The following TPRG1 variants were observed in gnomAD, a reference collection of about 807,000 sequenced individuals.
The protein encoded by TPRG1 is tumor protein p63 regulated 1.
A neutral mutation model predicts 29.3 loss-of-function variants in TPRG1; 29 were observed. The ratio of observed to expected loss-of-function variants is 0.99; its 90% confidence interval spans 0.74 to 1.35. The LOEUF (loss-of-function observed/expected upper bound fraction) is 1.35. Among genes scored for constraint, TPRG1 ranks in the 40% most tolerant of loss-of-function variants. The pLI, the probability that TPRG1 is intolerant of heterozygous loss-of-function variation, is 0.00. For missense variants in TPRG1, 327 were observed against 335.0 expected, an observed-to-expected ratio of 0.98 and a Z score of 0.19; for synonymous variants, 130 against 116.8, an observed-to-expected ratio of 1.11 and a Z score of -0.73.
chr3:189,214,334 A>C lies in TPRG1; in HGVS notation c.211-958A>C, dbSNP rs530114845. ...TATGTGAATACAGGAAGAGAGACCC[A>C]AAAAAATACCCATGTTGTGTCATTA... On this transcript the variant is annotated intron_variant, in intron 2 of 5. Coordinates refer to ENST00000345063, the MANE Select transcript of TPRG1 (RefSeq NM_198485.4). Among the ~76,000 whole-genome samples the C allele has an allele frequency of 6.6e-5, 10 of 152,304 alleles. No individual in the cohort carries two copies. In the South Asian group the frequency reaches 1.5e-3, roughly 22 times the overall value.
In TPRG1 at chr3:189,254,380, A is replaced by G. The variant is rs148673879; in HGVS notation, c.479+15471A>G. Among the ~76,000 whole-genome samples the G allele has an allele frequency of 1.4e-3, 214 of 152,164 alleles. 1 individual carries two copies. The highest frequency in any genetic ancestry group is 2.6e-3 in the Non-Finnish European group (176 of 67,992). On this transcript the variant is annotated intron_variant, in intron 4 of 5. Coordinates refer to ENST00000345063, the MANE Select transcript of TPRG1 (RefSeq NM_198485.4). ...TCTCTGTTCTGTTTCATTGGTCTAT[A>G]TATTTGTTTTGGTACCAGTACCATG...
At position 189,271,198 on chromosome 3, in the gene TPRG1, A is replaced by G. The variant is rs967637835; in HGVS notation, c.479+32289A>G. Among the ~76,000 whole-genome samples the G allele has an allele frequency of 1.2e-4, 18 of 152,348 alleles. No individual in the cohort carries two copies. In the East Asian group the frequency reaches 3.3e-3, roughly 28 times the overall value. On this transcript the variant is annotated intron_variant, in intron 4 of 5. Coordinates refer to ENST00000345063, the MANE Select transcript of TPRG1 (RefSeq NM_198485.4). ...GGTAGGGCGTTTTCTACTGTAACAC[A>G]GTGCCTTGAAGGGATGGGTTGCTTT...
At chr3:189,046,346 G>C (rs552746998) in intron 4 of TPRG1, among the ~76,000 whole-genome samples, 1 of 152,338 alleles carries the variant, frequency 6.6e-6, no homozygotes, top group East Asian at 1.9e-4. Context: ...AGAAATCACA[G>C]AGACAGTTCA....
chr3:189,272,477 C>T (rs990419320), intron 4 of TPRG1, among the ~76,000 whole-genome samples: 2 of 152,010 alleles, frequency 1.3e-5, no homozygotes, highest in African/African-American at 2.4e-5. Context: ...TAATATACAT[C>T]GAGACTGTTG....
intron 4 of TPRG1, among the ~76,000 whole-genome samples, chr3:189,033,704 C>T (rs770023019): frequency 4.6e-5 from 7 of 151,956 alleles, no homozygotes; most frequent in Non-Finnish European, 7.4e-5. Flanking sequence ...CTCAGCCTTC[C>T]GAGTAGCTGG....
chr3:189,301,869 A>G (rs545554912), intron 4 of TPRG1, among the ~76,000 whole-genome samples: 36 of 152,312 alleles, frequency 2.4e-4, no homozygotes, highest in African/African-American at 8.7e-4. Flanking sequence ...ACTAGCTTCC[A>G]TGTTAGGATT....
At chr3:189,183,505 A>T (rs760359695) in intron 1 of TPRG1, among the ~76,000 whole-genome samples, 7 of 152,124 alleles carry the variant, frequency 4.6e-5, no homozygotes, top group Non-Finnish European at 8.8e-5. Flanking sequence ...CTTCCTAATA[A>T]GCCTGGGAGT....
chr3:189,096,026 A>G (rs1006236810), upstream of TPRG1, among the ~76,000 whole-genome samples: 6 of 152,250 alleles, frequency 3.9e-5, no homozygotes, highest in African/African-American at 1.4e-4. Flanking sequence ...ATACTGTGGG[A>G]ATTGGAAACG....
chr3:189,210,007 C>A (rs1158445464), intron 2 of TPRG1, among the ~76,000 whole-genome samples: 1 of 151,774 alleles, frequency 6.6e-6, no homozygotes, highest in African/African-American at 2.4e-5. Context: ...TAACTGTTGG[C>A]TTAACTAAAG....
At chr3:189,140,402 C>G (rs959162055) in intron 3 of TPRG1, among the ~76,000 whole-genome samples, 1 of 152,158 alleles carries the variant, frequency 6.6e-6, no homozygotes, top group Non-Finnish European at 1.5e-5. Context: ...GAAGTGTACC[C>G]TCACAACTTA....
intron 5 of TPRG1, among the ~76,000 whole-genome samples, chr3:189,152,964 G>A (rs188189621): frequency 9.2e-5 from 14 of 152,338 alleles, no homozygotes; most frequent in Non-Finnish European, 1.6e-4. Context: ...ACTGCTACCC[G>A]CCGTTATTTG....
At chr3:189,044,687 C>G (rs1714860323) in intron 4 of TPRG1, among the ~76,000 whole-genome samples, 1 of 152,062 alleles carries the variant, frequency 6.6e-6, no homozygotes, top group Non-Finnish European at 1.5e-5. Context: ...CTATGATGTA[C>G]AGCAAAGAGC....
At chr3:189,152,768 A>ATTATTATTAAAAAGTAGGATTGCTG (rs1372700916) in intron 5 of TPRG1, among the ~76,000 whole-genome samples, 2 of 136,818 alleles carry the variant, frequency 1.5e-5, no homozygotes, top group Admixed American at 1.5e-4. Context: ...TAGGATTGCT[A>ATTATTATTAAAAAGTAGGATTGCTG]CCCTCCATTA....
chr3:189,236,868 T>C (rs1739551198), intron 3 of TPRG1, among the ~76,000 whole-genome samples: 1 of 152,082 alleles, frequency 6.6e-6, no homozygotes, highest in Non-Finnish European at 1.5e-5. Context: ...ATCTTGCCTA[T>C]CTGTCTTTAG....
chr3:189,178,166 G>C (rs1399373706), intron 1 of TPRG1, among the ~76,000 whole-genome samples: 1 of 152,198 alleles, frequency 6.6e-6, no homozygotes, highest in Non-Finnish European at 1.5e-5. Context: ...AAAGAAAATG[G>C]AGAAAATGGG....
intron 4 of TPRG1, among the ~76,000 whole-genome samples, chr3:189,261,284 A>C (rs899070710): frequency 2.6e-5 from 4 of 152,156 alleles, no homozygotes; most frequent in East Asian, 1.9e-4. Context: ...CTTTTAATTA[A>C]GAAGAAATGA....
In TPRG1 at chr3:189,298,019, A is replaced by T. The variant is rs554589939; in HGVS notation, c.480-12367A>T. ...TCTGTGGTAGAAGTAAATCTTAAAT[A>T]AAAACAAAATCATAAAACCCCAAAC... On this transcript the variant is annotated intron_variant, in intron 4 of 5. Coordinates refer to ENST00000345063, the MANE Select transcript of TPRG1 (RefSeq NM_198485.4). 2.6e-5 allele frequency among the ~76,000 whole-genome samples: 4 copies of T among 152,336 alleles called. No homozygotes were observed. The South Asian group carries it at 8.3e-4, about 32-fold the overall frequency.
At position 189,187,873 on chromosome 3, in the gene TPRG1, C is replaced by T. The variant is rs116766070; in HGVS notation, c.-10+15742C>T. 1.6e-3 allele frequency among the ~76,000 whole-genome samples: 246 copies of T among 152,222 alleles called. 1 individual carries two copies. The highest frequency in any genetic ancestry group is 5.8e-3 in the African/African-American group (239 of 41,528). On this transcript the variant is annotated intron_variant, in intron 1 of 5. Transcript: ENST00000345063. ...ACCCATTATCTTCTGAAAGCGTTGA[C>T]GTAATTAATTCTCGAAACATTTGTG...
chr3:189,106,361 A>G (rs1719824744), intron 1 of TPRG1, among the ~76,000 whole-genome samples: 1 of 152,104 alleles, frequency 6.6e-6, no homozygotes, highest in South Asian at 2.1e-4. Context: ...TCATACTTCA[A>G]ATCTCTGAAA....
Sources: gnomAD v4.1 joint callset for allele counts (sites outside exome capture counted in the v4.1 genomes callset) on GRCh38, gnomAD v4.1.1 for gene constraint, MANE v1.5 for transcripts, NCBI Gene and HGNC (gene_info 2026-07-23, HGNC 2026-07-21) for gene names.